The following GAD2 variants were observed in gnomAD, a reference collection of about 807,000 sequenced individuals.
GAD2 encodes the protein 65 kDa glutamic acid decarboxylase.
GAD2 carries 22 observed loss-of-function variants against 80.1 expected under a neutral mutation model. The ratio of observed to expected loss-of-function variants is 0.27; its 90% confidence interval spans 0.20 to 0.39. The LOEUF is 0.39. GAD2 is among the 10% of genes least tolerant of loss of function. The pLI, the probability that GAD2 is intolerant of heterozygous loss-of-function variation, is 1.00. For synonymous variants in GAD2, 274 were observed against 256.9 expected (o/e 1.07, Z -0.64); for missense variants, 624 against 738.4 (o/e 0.85, Z 1.80).
At chr10:26,285,144 C>T (rs778988745) in intron 12 of GAD2, among the ~76,000 whole-genome samples, 2 of 152,194 alleles carry the variant, frequency 1.3e-5, no homozygotes, top group Non-Finnish European at 2.9e-5. Context: ...AATACAAATA[C>T]ATCGTATTTA....
rs1312312067 is a variant in GAD2, at chr10:26,303,558, A to G, written c.*2597A>G. The G allele has an allele frequency of 6.6e-6, 1 of 151,084 alleles. No individual in the cohort carries two copies. The highest frequency in any genetic ancestry group is 1.5e-5 in the Non-Finnish European group (1 of 67,706). 9.4% of individuals were successfully genotyped at this position (151,084 alleles called of 1,614,324 possible). A position where few individuals can be genotyped will look rare whatever the true frequency, so the allele number is the denominator to read the frequency against. ...AATATTAGCCCAAATTCCCAGTGCC[A>G]TGGTCTTTATGTGTGCCCATTCTTT... On this transcript the variant is annotated 3_prime_UTR_variant, in exon 16 of 16. Coordinates refer to ENST00000376261, the MANE Select transcript of GAD2 (RefSeq NM_001134366.2).
chr10:26,270,500 C>G, intron 9 of GAD2, 140 bp from the exon 10 acceptor site: 1 of 703,366 alleles, frequency 1.4e-6, no homozygotes, highest in South Asian at 1.7e-5. Flanking sequence ...TCCCAGACCC[C>G]GGGGTGTCAG....
intron 13 of GAD2, among the ~76,000 whole-genome samples, chr10:26,288,867 T>C (rs1316650667): frequency 6.6e-6 from 1 of 152,090 alleles, no homozygotes; most frequent in Non-Finnish European, 1.5e-5. Context: ...AGAAATAATA[T>C]GGAGGGCATC....
intron 15 of GAD2, among the ~76,000 whole-genome samples, chr10:26,294,540 T>A (rs1834253164): frequency 6.6e-6 from 1 of 152,198 alleles, no homozygotes; most frequent in Non-Finnish European, 1.5e-5. Context: ...CAGATTGTGC[T>A]TGGATGGGCC....
At chr10:26,295,285 G>A (rs1392725256) in intron 15 of GAD2, among the ~76,000 whole-genome samples, 1 of 152,018 alleles carries the variant, frequency 6.6e-6, no homozygotes, top group Non-Finnish European at 1.5e-5. Context: ...AAAATCTCCG[G>A]GGATTGCAGA....
chr10:26,281,109 G>T, intron 12 of GAD2, 22 bp downstream of exon 12: 1 of 1,555,502 alleles, frequency 6.4e-7, no homozygotes, highest in Non-Finnish European at 8.9e-7. Flanking sequence ...TTGACTCTGT[G>T]TCCCAGTCCG....
chr10:26,257,815 A>G (rs1844961536), intron 8 of GAD2, among the ~76,000 whole-genome samples: 1 of 152,216 alleles, frequency 6.6e-6, no homozygotes, highest in Non-Finnish European at 1.5e-5. Flanking sequence ...GGGTCATTAT[A>G]TTCTTTTGTT....
At chr10:26,221,690 T>A (rs1173269193) in intron 4 of GAD2, among the ~76,000 whole-genome samples, 1 of 152,058 alleles carries the variant, frequency 6.6e-6, no homozygotes, top group East Asian at 1.9e-4. Context: ...GTTCGCAGAG[T>A]CTGCGCATCC....
At chr10:26,283,267 G>A (rs1314983660) in intron 12 of GAD2, among the ~76,000 whole-genome samples, 1 of 152,202 alleles carries the variant, frequency 6.6e-6, no homozygotes, top group Non-Finnish European at 1.5e-5. Context: ...CAGATGAGAG[G>A]AGACTGGGAG....
At chr10:26,228,803 C>T (rs965246147) in intron 6 of GAD2, among the ~76,000 whole-genome samples, 1 of 152,116 alleles carries the variant, frequency 6.6e-6, no homozygotes, top group African/African-American at 2.4e-5. Flanking sequence ...CCACCCCACC[C>T]CCACCAGCCC....
intron 7 of GAD2, among the ~76,000 whole-genome samples, chr10:26,241,945 A>G (rs905688943): frequency 2.0e-5 from 3 of 151,918 alleles, no homozygotes; most frequent in African/African-American, 7.3e-5. Flanking sequence ...TTGGCCTTGC[A>G]GATACTGTTG....
In GAD2 at chr10:26,217,669, G is replaced by A. The variant is rs754627728; in HGVS notation, c.136G>A (p.Ala46Thr). Reference protein sequence around the residue: ...FTGGIGNKLCALLYGDAEKPA... With the variant: ...FTGGIGNKLCTLLYGDAEKPA... ...GGGCGGCATCGGAAACAAACTGTGCGGTGAGTGCCCAGGGACCGGGGCGGC... is the reference window on the plus strand; with the variant it reads ...GGGCGGCATCGGAAACAAACTGTGCAGTGAGTGCCCAGGGACCGGGGCGGC... The change falls in exon 2 of 16, where the codon GCC (alanine) becomes ACC (threonine). Residue 46 changes from alanine to threonine, a missense_variant and splice_region_variant. Ala to Thr is a moderately conservative substitution (Grantham distance 58). Transcript: ENST00000376261. This position sits in a 1 kb window ranked among gnomAD's most constrained non-coding sequence, Gnocchi z 4.9. The A allele has an allele frequency of 6.2e-7, 1 of 1,613,386 alleles. No homozygotes were observed. Among genetic ancestry groups the A allele is most frequent in the Non-Finnish European group, 8.5e-7 (1 of 1,179,694 alleles).
rs540355693 is a variant in GAD2 at position 26,244,916 on chromosome 10, T to C, written c.841-1005T>C. Among the ~76,000 whole-genome samples, 8 of 151,276 alleles carry C rather than the reference T, an allele frequency of 5.3e-5. No homozygotes were observed. In the South Asian group the frequency reaches 1.5e-3, roughly 28 times the overall value. ...CCTGTAATCCCAGCACTTTGGGAGG[T>C]TGAGGCAGGTGGATCACCTGAGGTC... On this transcript the variant is annotated intron_variant, in intron 7 of 15. Coordinates refer to ENST00000376261, the MANE Select transcript of GAD2 (RefSeq NM_001134366.2).
chr10:26,286,744 T>C (rs1242899939), intron 13 of GAD2, among the ~76,000 whole-genome samples: 3 of 152,220 alleles, frequency 2.0e-5, no homozygotes, highest in Non-Finnish European at 4.4e-5. Flanking sequence ...TTTTGCTTTA[T>C]ATAGCAGAAC....
chr10:26,249,662 C>T lies in GAD2; in HGVS notation c.920+3662C>T, dbSNP rs1589143773. On this transcript the variant is annotated intron_variant, in intron 8 of 15. Transcript: ENST00000376261. Reference sequence around the variant, plus strand: ...TCTTCAAAGCATCGGCATCACTGCTCCTACTCCTGTGAAAATCAGGTGTGA... The same window carrying T: ...TCTTCAAAGCATCGGCATCACTGCTTCTACTCCTGTGAAAATCAGGTGTGA... 2.0e-5 allele frequency among the ~76,000 whole-genome samples: 3 copies of T among 152,216 alleles called. No homozygotes were observed. The South Asian group carries it at 6.2e-4, about 32-fold the overall frequency.
chr10:26,246,123 C>A, intron 8 of GAD2, 123 bp downstream of exon 8: 2 of 694,806 alleles, frequency 2.9e-6, no homozygotes, highest in Non-Finnish European at 2.4e-6. Context: ...CCAGCCTCTG[C>A]AGCCTTCGTT....
intron 13 of GAD2, among the ~76,000 whole-genome samples, chr10:26,287,627 G>T (rs983563768): frequency 6.6e-6 from 1 of 152,178 alleles, no homozygotes; most frequent in Non-Finnish European, 1.5e-5. Flanking sequence ...GTATTTTTTT[G>T]TATGTAAGGT....
intron 7 of GAD2, among the ~76,000 whole-genome samples, chr10:26,236,220 C>T (rs1844669579): frequency 6.6e-6 from 1 of 152,156 alleles, no homozygotes; most frequent in African/African-American, 2.4e-5. Flanking sequence ...CTCAAACACT[C>T]CTCCTGCCTC....
chr10:26,226,964 T>C (rs911950390), intron 6 of GAD2, among the ~76,000 whole-genome samples: 2 of 152,206 alleles, frequency 1.3e-5, no homozygotes, highest in East Asian at 3.8e-4. Context: ...GTTTTCATAA[T>C]GTTTCAGCAC....
Sources: allele counts gnomAD v4.1 joint callset (sites outside exome capture counted in the v4.1 genomes callset), GRCh38; gene constraint gnomAD v4.1.1; non-coding constraint Gnocchi (gnomAD v3.1); transcripts MANE v1.5; gene names NCBI Gene and HGNC (gene_info 2026-07-23, HGNC 2026-07-21).